Variants in TSNAXIP1 observed in about 807,000 individuals in gnomAD.
TSNAXIP1 encodes translin associated factor X interacting protein 1, also known as translin-associated factor X-interacting protein 1.
A neutral mutation model predicts 84.8 loss-of-function variants in TSNAXIP1; 89 were observed. The observed-to-expected ratio is 1.05, with a 90% CI of 0.88 to 1.25. The LOEUF is 1.25. TSNAXIP1 is among the 50% of genes most tolerant of loss of function. TSNAXIP1 has a pLI of 0.00. For synonymous variants in TSNAXIP1, 347 were observed against 335.2 expected (o/e 1.04, Z -0.39); for missense variants, 874 against 887.6 (o/e 0.98, Z 0.20).
chr16:67,826,455 C>T lies in TSNAXIP1; in HGVS notation c.1294C>T (p.Pro432Ser), dbSNP rs201851680. ...FPGLGYGEAI[P>S]AFLRFDGLVE... is the part of the protein sequence containing the mutation. ...CTCCTAGGGCTATGGGGAAGCCATC[C>T]CTGCTTTTCTTCGGTTTGATGGCCT... The change falls in exon 11 of 16, where the codon CCT becomes TCT. Residue 432 changes from proline (P) to serine (S), a missense_variant. Coordinates refer to ENST00000561639, the MANE Select transcript of TSNAXIP1 (RefSeq NM_001288990.3). 1.9e-6 allele frequency: 3 copies of T among 1,613,782 alleles called. No homozygotes were observed. In the African/African-American group the frequency reaches 4.0e-5, roughly 22 times the overall value.
At chr16:67,808,709 C>T (rs561263986) in intron 1 of TSNAXIP1, among the ~76,000 whole-genome samples, 3 of 151,882 alleles carry the variant, frequency 2.0e-5, no homozygotes, top group Non-Finnish European at 2.9e-5. Flanking sequence ...CACGCCACTG[C>T]ACTCTAGCCT....
chr16:67,824,818 T>C (rs1190394681), intron 6 of TSNAXIP1, 39 bp downstream of exon 6: 1 of 1,594,088 alleles, frequency 6.3e-7, no homozygotes, highest in Non-Finnish European at 8.6e-7. Context: ...AGTCCCCGAA[T>C]TCCTGCCAAC....
In TSNAXIP1 at chr16:67,827,874, C is replaced by T; in HGVS notation, c.2020C>T (p.Pro674Ser). ...QAFQLPESEM[P>S]EEGDEKEEAV... ...CTTCCAGCTCCCTGAGTCGGAAATGCCAGAGGAGGGTGACGAGAAGGAAGA... is the reference window on the plus strand; with the variant it reads ...CTTCCAGCTCCCTGAGTCGGAAATGTCAGAGGAGGGTGACGAGAAGGAAGA... Residue 674 changes from proline (P) to serine (S), a missense_variant, in exon 16 of 16, where the codon CCA becomes TCA. By Grantham distance (74) the Pro-to-Ser change is moderately conservative (BLOSUM62 -1). Coordinates refer to ENST00000561639, the MANE Select transcript of TSNAXIP1 (RefSeq NM_001288990.3). 2 of 1,614,056 alleles carry T rather than the reference C, an allele frequency of 1.2e-6. No homozygotes were observed. Among genetic ancestry groups the T allele is most frequent in the South Asian group, 1.1e-5 (1 of 91,072 alleles).
chr16:67,822,569 AGAG>A (rs1202380782), intron 4 of TSNAXIP1, among the ~76,000 whole-genome samples: 1 of 147,280 alleles, frequency 6.8e-6, no homozygotes, highest in Non-Finnish European at 1.5e-5. Context: ...AGGGAGGAAG[AGAG>A]AGAGAGAGAG....
At chr16:67,812,331 A>G (rs747367422) in intron 1 of TSNAXIP1, among the ~76,000 whole-genome samples, 2 of 151,972 alleles carry the variant, frequency 1.3e-5, no homozygotes, top group Non-Finnish European at 2.9e-5. Context: ...AGTTCATTGC[A>G]GTTTACATGG....
intron 1 of TSNAXIP1, among the ~76,000 whole-genome samples, chr16:67,810,164 A>C (rs927660472): frequency 6.6e-6 from 1 of 151,870 alleles, no homozygotes; most frequent in Admixed American, 6.6e-5. Flanking sequence ...TCTGCAAGGG[A>C]CCTTCGAATT....
At chr16:67,819,388 C>T (rs2056849921) in intron 2 of TSNAXIP1, among the ~76,000 whole-genome samples, 2 of 151,094 alleles carry the variant, frequency 1.3e-5, no homozygotes, top group African/African-American at 2.4e-5. Flanking sequence ...GGAATACAGG[C>T]GTGTGCCACC....
intron 1 of TSNAXIP1, among the ~76,000 whole-genome samples, chr16:67,809,109 G>C (rs2055778041): frequency 7.1e-6 from 1 of 141,424 alleles, no homozygotes. Flanking sequence ...GTTCGAGAGG[G>C]TGTAGTGAGC....
chr16:67,813,286 CT>C (rs2056260545), intron 1 of TSNAXIP1, among the ~76,000 whole-genome samples: 1 of 151,636 alleles, frequency 6.6e-6, no homozygotes, highest in African/African-American at 2.4e-5. Flanking sequence ...ACTCAGGAAG[CT>C]GAGGAAGGAG....
At position 67,826,682 on chromosome 16, in the gene TSNAXIP1, G is replaced by C; in HGVS notation, c.1402-10G>C. The stretch of plus-strand genomic sequence containing the variant: ...TAAGACTCTGACTGAGCATTTCCTC[G>C]ATCCCGCAGAAAGAGACGTTCCCAG... On this transcript the variant is annotated splice_polypyrimidine_tract_variant and intron_variant, in intron 11 of 15. Coordinates refer to ENST00000561639, the MANE Select transcript of TSNAXIP1 (RefSeq NM_001288990.3). 1.2e-6 allele frequency: 2 copies of C among 1,612,648 alleles called. No individual in the cohort carries two copies. The highest frequency in any genetic ancestry group is 1.7e-6 in the Non-Finnish European group (2 of 1,179,234).
At chr16:67,819,068 G>C (rs997088351) in intron 2 of TSNAXIP1, among the ~76,000 whole-genome samples, 3 of 151,888 alleles carry the variant, frequency 2.0e-5, no homozygotes, top group South Asian at 2.1e-4. Context: ...CTACTCGGGA[G>C]TCTGAGGCAG....
chr16:67,812,529 G>A (rs775704605), intron 1 of TSNAXIP1, among the ~76,000 whole-genome samples: 2 of 151,466 alleles, frequency 1.3e-5, no homozygotes, highest in Admixed American at 6.6e-5. Context: ...AGCCAGGCAC[G>A]GTAGCGTGCA....
intron 1 of TSNAXIP1, among the ~76,000 whole-genome samples, chr16:67,812,480 A>G (rs1041015658): frequency 1.3e-5 from 2 of 151,744 alleles, no homozygotes; most frequent in African/African-American, 4.8e-5. Flanking sequence ...ATCCTGGCCA[A>G]CATGGTGAAA....
In TSNAXIP1 at chr16:67,806,901, C is replaced by T; in HGVS notation, c.-249C>T. On this transcript the variant is annotated 5_prime_UTR_variant, in exon 1 of 16. Coordinates refer to ENST00000561639, the MANE Select transcript of TSNAXIP1 (RefSeq NM_001288990.3). ...ATGGCCTCTGTTCATCCCCCTGCCT[C>T]AGTTCTGGTACCTGGGGTCAAATCG... The T allele has an allele frequency of 1.6e-6, 1 of 615,698 alleles. No homozygotes were observed. 38.1% of individuals were successfully genotyped at this position (615,698 alleles called of 1,614,324 possible). A position where few individuals can be genotyped will look rare whatever the true frequency, so the allele number is the denominator to read the frequency against.
rs949095797 is a variant in TSNAXIP1 at position 67,806,895 on chromosome 16, CT to C, written c.-254del. On this transcript the variant is annotated 5_prime_UTR_variant, in exon 1 of 16. Transcript: ENST00000561639. ...CTCCCCATGGCCTCTGTTCATCCCC[CT>C]GCCTCAGTTCTGGTACCTGGGGTCA... 13 of 611,380 alleles carry C rather than the reference CT, an allele frequency of 2.1e-5. No homozygotes were observed. Among genetic ancestry groups the C allele is most frequent in the Non-Finnish European group, 2.3e-5 (8 of 349,508 alleles). The allele number at this position is 611,380 out of a possible 1,614,324, so 37.9% of individuals were successfully genotyped here. A position where few individuals can be genotyped will look rare whatever the true frequency, so the allele number is the denominator to read the frequency against.
intron 4 of TSNAXIP1, among the ~76,000 whole-genome samples, chr16:67,821,978 C>CCATCTAGA (rs1458177192): frequency 6.6e-6 from 1 of 150,780 alleles, no homozygotes; most frequent in African/African-American, 2.4e-5. Flanking sequence ...GAGTGAGACT[C>CCATCTAGA]TGTCAACAGA....
At chr16:67,823,947 A>G (rs1598087985) in intron 5 of TSNAXIP1, among the ~76,000 whole-genome samples, 1 of 131,542 alleles carries the variant, frequency 7.6e-6, no homozygotes, top group Non-Finnish European at 1.5e-5. Flanking sequence ...TGAACCTAGG[A>G]GGTGGAGGTT....
At position 67,827,784 on chromosome 16, in the gene TSNAXIP1, G is replaced by A. The variant is rs369204559; in HGVS notation, c.1930G>A (p.Gly644Arg). The change falls in exon 16 of 16, where the codon GGG becomes AGG. Residue 644 changes from glycine to arginine, a missense_variant. Gly to Arg is a moderately radical substitution (Grantham distance 125). Coordinates refer to ENST00000561639, the MANE Select transcript of TSNAXIP1 (RefSeq NM_001288990.3). ...HEEVTLPKLR[G>R]GLMTIDPSLD... Reference sequence around the variant, plus strand: ...GGAAGTGACTCTGCCCAAGCTGCGAGGGGGCCTGATGACCATCGACCCCAG... The same window carrying A: ...GGAAGTGACTCTGCCCAAGCTGCGAAGGGGCCTGATGACCATCGACCCCAG... 2.9e-5 allele frequency: 46 copies of A among 1,614,004 alleles called. No individual in the cohort carries two copies. Among genetic ancestry groups the A allele is most frequent in the Non-Finnish European group, 3.2e-5 (38 of 1,180,034 alleles).
chr16:67,826,849 G>C lies in TSNAXIP1; in HGVS notation c.1554+5G>C. 2 of 1,613,096 alleles carry C rather than the reference G, an allele frequency of 1.2e-6. No individual in the cohort carries two copies. The highest frequency in any genetic ancestry group is 2.2e-5 in the South Asian group (2 of 91,044). ...TATGCAGTCTTGATGGGAAAGGTGA[G>C]CTGGGGCCTATTCCCCTTGGGGAGA... On this transcript the variant is annotated splice_donor_5th_base_variant and intron_variant, in intron 12 of 15. Transcript: ENST00000561639.
Sources: gnomAD v4.1 joint callset for allele counts (sites outside exome capture counted in the v4.1 genomes callset) on GRCh38, gnomAD v4.1.1 for gene constraint, MANE v1.5 for transcripts, NCBI Gene and HGNC (gene_info 2026-07-23, HGNC 2026-07-21) for gene names.